The following ARHGAP32 variants were observed in gnomAD, a reference collection of about 807,000 sequenced individuals.
The protein encoded by ARHGAP32 is rho GTPase-activating protein 32.
A neutral mutation model predicts 186.5 loss-of-function variants in ARHGAP32; 51 were observed. That is an observed-to-expected ratio of 0.27 (90% CI 0.22 to 0.35). The LOEUF (loss-of-function observed/expected upper bound fraction) is 0.35. Among genes scored for constraint, ARHGAP32 ranks in the 10% least tolerant of loss-of-function variants. The pLI, the probability that ARHGAP32 is intolerant of heterozygous loss-of-function variation, is 1.00. For missense variants in ARHGAP32, 2,186 were observed against 2,623.5 expected, an observed-to-expected ratio of 0.83 and a Z score of 3.64; for synonymous variants, 950 against 964.3, an observed-to-expected ratio of 0.99 and a Z score of 0.27.
chr11:129,078,924 A>T (rs1445006891), intron 6 of ARHGAP32, among the ~76,000 whole-genome samples: 1 of 152,106 alleles, frequency 6.6e-6, no homozygotes, highest in African/African-American at 2.4e-5. Flanking sequence ...AAAAAAAATC[A>T]CAACTCCTGG....
Position 129,063,940 on chromosome 11 carries a change from T to C in ARHGAP32, c.847A>G (p.Arg283Gly), listed in dbSNP as rs906526498. Reference sequence around the variant, plus strand: ...TCGTCAGGGGCCCGAGCAGTGTACCTCTTGATAACATGGGCAGCACCGACA... The same window carrying C: ...TCGTCAGGGGCCCGAGCAGTGTACCCCTTGATAACATGGGCAGCACCGACA... ...PAVGAAHVIK[R>G]YTARAPDELT... Residue 283 changes from arginine to glycine, a missense_variant, in exon 9 of 23, where the codon AGG (arginine) becomes GGG (glycine). Arg to Gly is a moderately radical substitution (Grantham distance 125, BLOSUM62 -2). Around this residue, in one of 5 missense-constraint regions of ARHGAP32, gnomAD observed 308 missense variants for 596.5 expected, o/e 0.52. Coordinates refer to ENST00000682385, the MANE Select transcript of ARHGAP32 (RefSeq NM_001378024.1). The C allele has an allele frequency of 2.5e-6, 4 of 1,612,734 alleles. No individual in the cohort carries two copies. In the Admixed American group the frequency reaches 5.0e-5, roughly 20 times the overall value.
intron 1 of ARHGAP32, among the ~76,000 whole-genome samples, chr11:129,183,625 T>C (rs1257639402): frequency 1.3e-5 from 2 of 152,160 alleles, no homozygotes; most frequent in African/African-American, 4.8e-5. Flanking sequence ...TGATATACTA[T>C]TTTAAGCCCT....
chr11:129,127,181 G>A (rs1335672451), intron 2 of ARHGAP32, among the ~76,000 whole-genome samples: 4 of 152,110 alleles, frequency 2.6e-5, no homozygotes, highest in Admixed American at 6.6e-5. Context: ...CCTATAATCC[G>A]AATGAGGGAG....
chr11:129,214,829 A>C (rs1224423786), intron 1 of ARHGAP32, among the ~76,000 whole-genome samples: 1 of 152,226 alleles, frequency 6.6e-6, no homozygotes, highest in Non-Finnish European at 1.5e-5. Context: ...TTTGTGGACC[A>C]CATGGTCTCT....
chr11:129,059,395 T>C (rs1031242799), intron 10 of ARHGAP32, among the ~76,000 whole-genome samples: 1 of 152,164 alleles, frequency 6.6e-6, no homozygotes, highest in African/African-American at 2.4e-5. Flanking sequence ...TTTCACACCT[T>C]TCCCTGCAAT....
chr11:129,193,660 T>C (rs1303028151), upstream of ARHGAP32, among the ~76,000 whole-genome samples: 1 of 57,584 alleles, frequency 1.7e-5, no homozygotes, highest in East Asian at 4.9e-4. Context: ...ACATATACAA[T>C]ATATATTATA....
chr11:129,074,657 C>T (rs559792246), intron 6 of ARHGAP32, among the ~76,000 whole-genome samples: 3 of 151,992 alleles, frequency 2.0e-5, no homozygotes, highest in Non-Finnish European at 4.4e-5. Flanking sequence ...CCATGCCTGG[C>T]TAATTTTTTG....
intron 11 of ARHGAP32, among the ~76,000 whole-genome samples, chr11:129,033,755 TG>T (rs1939209899): frequency 6.6e-6 from 1 of 152,214 alleles, no homozygotes; most frequent in Admixed American, 6.5e-5. Context: ...TTTTTGTGTA[TG>T]GGGTTAAATA....
chr11:129,142,842 G>A (rs1943086160), intron 2 of ARHGAP32, among the ~76,000 whole-genome samples: 3 of 151,394 alleles, frequency 2.0e-5, no homozygotes, highest in Non-Finnish European at 4.4e-5. Context: ...GTGACTTTTT[G>A]CCACTTTTCA....
intron 1 of ARHGAP32, among the ~76,000 whole-genome samples, chr11:129,265,357 T>C (rs1483114650): frequency 6.6e-6 from 1 of 152,220 alleles, no homozygotes; most frequent in African/African-American, 2.4e-5. Flanking sequence ...AATTCTCTGT[T>C]GGGAGAGAAG....
At chr11:129,096,659 G>GGCT (rs967041077) in intron 5 of ARHGAP32, among the ~76,000 whole-genome samples, 12 of 152,086 alleles carry the variant, frequency 7.9e-5, no homozygotes, top group African/African-American at 2.9e-4. Context: ...TCTATGCTGT[G>GGCT]GCTGCGGATC....
At chr11:129,064,736 C>CT (rs1940629227) in intron 8 of ARHGAP32, 105 bp downstream of exon 8, 1 of 818,382 alleles carries the variant, frequency 1.2e-6, no homozygotes, top group Admixed American at 2.4e-5. Flanking sequence ...TACTTCATTT[C>CT]TTTGATTCCT....
At chr11:129,268,363 T>A (rs1408947323) in intron 1 of ARHGAP32, among the ~76,000 whole-genome samples, 2 of 152,146 alleles carry the variant, frequency 1.3e-5, no homozygotes, top group Non-Finnish European at 2.9e-5. Flanking sequence ...ATACATTTCC[T>A]AACAATAAGA....
chr11:129,027,446 T>C (rs1938908774), intron 11 of ARHGAP32, among the ~76,000 whole-genome samples: 1 of 152,204 alleles, frequency 6.6e-6, no homozygotes, highest in African/African-American at 2.4e-5. Flanking sequence ...AGAGAAGATC[T>C]GATCCCTCTC....
Position 129,123,918 on chromosome 11 carries a change from G to A in ARHGAP32, c.329C>T (p.Pro110Leu). The A allele has an allele frequency of 7.7e-7, 1 of 1,292,106 alleles. No homozygotes were observed. Among genetic ancestry groups the A allele is most frequent in the Non-Finnish European group, 1.0e-6 (1 of 990,694 alleles). The allele number at this position is 1,292,106 out of a possible 1,614,324, so 80.0% of individuals were successfully genotyped here. The part of the protein sequence containing the change: ...KVKHVKKSTT[P>L]GLMGCDNIHR... ...AATGTTGTCACAGCCCATCAGTCCT[G>A]GAGTGGTGGACCTGAACGCAGAATG... The change falls in exon 4 of 23, where the codon CCA (proline) becomes CTA (leucine). Residue 110 changes from proline (P) to leucine (L), a missense_variant. Coordinates refer to ENST00000682385, the MANE Select transcript of ARHGAP32 (RefSeq NM_001378024.1). This position sits in a 1 kb window ranked among gnomAD's most constrained non-coding sequence, Gnocchi z 4.6.
Position 128,982,600 on chromosome 11 carries a change from C to A in ARHGAP32, c.1527-664G>T, listed in dbSNP as rs542728750. On this transcript the variant is annotated intron_variant, in intron 15 of 22. Coordinates refer to ENST00000682385, the MANE Select transcript of ARHGAP32 (RefSeq NM_001378024.1). ...GTGCCCAGAGTAAAACTACTAAAGA[C>A]AACGGGCTGGGTGTGATGGCTATTG... Among the ~76,000 whole-genome samples, 101 of 151,948 alleles carry A rather than the reference C, an allele frequency of 6.6e-4. 2 individuals carry two copies. The South Asian group carries it at 0.021, about 31-fold the overall frequency.
chr11:129,048,344 A>C (rs580581), intron 10 of ARHGAP32, among the ~76,000 whole-genome samples: 97,692 of 151,976 alleles, frequency 0.64, 31,716 homozygotes, highest in Middle Eastern at 0.71. Context: ...GCAGTCCAAC[A>C]CCAAACGTCA....
chr11:128,982,388 A>G (rs563501913), intron 15 of ARHGAP32, among the ~76,000 whole-genome samples: 15 of 152,214 alleles, frequency 9.9e-5, no homozygotes, highest in East Asian at 3.9e-4. Flanking sequence ...AAACAATTCC[A>G]CATATATTGT....
chr11:129,046,633 G>C (rs1038610497), intron 10 of ARHGAP32, among the ~76,000 whole-genome samples: 1 of 152,146 alleles, frequency 6.6e-6, no homozygotes, highest in African/African-American at 2.4e-5. Context: ...TAAAGTGAGT[G>C]TATGTGCTGA....
Sources: gnomAD v4.1 joint callset for allele counts (sites outside exome capture counted in the v4.1 genomes callset) on GRCh38, gnomAD v4.1.1 for gene constraint, gnomAD v4.1.1 regional missense constraint, Gnocchi (gnomAD v3.1) non-coding constraint, MANE v1.5 for transcripts, NCBI Gene and HGNC (gene_info 2026-07-23, HGNC 2026-07-21) for gene names.